GSDMC: variants seen among roughly 807,000 people sequenced by gnomAD.
The protein encoded by GSDMC is gasdermin-C.
A neutral mutation model predicts 58.0 loss-of-function variants in GSDMC; 59 were observed. That is an observed-to-expected ratio of 1.02 (90% confidence interval 0.82 to 1.26). GSDMC has a LOEUF of 1.26. GSDMC is among the 50% of genes most tolerant of loss of function. The probability of loss-of-function intolerance (pLI) is 0.00; values close to 1 mark genes in which losing one functional copy is unlikely to be tolerated. For synonymous variants in GSDMC, 241 were observed against 220.2 expected, an observed-to-expected ratio of 1.09 and a Z score of -0.83; for missense variants, 659 against 598.5, an observed-to-expected ratio of 1.10 and a Z score of -1.06.
At chr8:129,705,814 C>T in the GSDMC span, among the ~76,000 whole-genome samples, 1 of 152,236 alleles carries the variant, frequency 6.6e-6, no homozygotes, top group Middle Eastern at 3.4e-3. Context: ...AGAGAGGGGG[C>T]ATAGAATTTG....
the GSDMC span, among the ~76,000 whole-genome samples, chr8:129,712,701 G>A: frequency 6.6e-6 from 1 of 152,146 alleles, no homozygotes; most frequent in Non-Finnish European, 1.5e-5. Flanking sequence ...TAGGTGGCTG[G>A]GATCAAGATA....
Position 129,765,994 on chromosome 8 carries a change from G to C in GSDMC, c.405-201C>G, listed in dbSNP as rs141385709. Among the ~76,000 whole-genome samples the C allele has an allele frequency of 1.8e-3, 267 of 152,182 alleles. 1 individual carries two copies. The highest frequency in any genetic ancestry group is 6.0e-3 in the African/African-American group (250 of 41,508). ...AGGAGATCCCAATGATGGTGGTTCG[G>C]GTGTGAGAGTATATGTACCATATTG... On this transcript the variant is annotated intron_variant, in intron 3 of 13. Transcript: ENST00000276708.
chr8:129,777,932 C>T (rs1277670670), intron 1 of GSDMC, among the ~76,000 whole-genome samples: 1 of 152,076 alleles, frequency 6.6e-6, no homozygotes, highest in African/African-American at 2.4e-5. Context: ...ACAGGCACTG[C>T]TGTAAAATTC....
chr8:129,754,563 T>C (rs1314207375), intron 6 of GSDMC, among the ~76,000 whole-genome samples: 1 of 152,006 alleles, frequency 6.6e-6, no homozygotes, highest in South Asian at 2.1e-4. Context: ...AAAAAACATC[T>C]ACAAGAATCA....
chr8:129,729,234 C>T, the GSDMC span: 2 of 639,828 alleles, frequency 3.1e-6, no homozygotes, highest in Non-Finnish European at 6.0e-6. Context: ...GAATATTTTC[C>T]AAGTGAAATA....
chr8:129,737,319 G>C, the GSDMC span, among the ~76,000 whole-genome samples: 1 of 152,134 alleles, frequency 6.6e-6, no homozygotes, highest in Non-Finnish European at 1.5e-5. Context: ...CCAAAAAAGA[G>C]CCTGCATTGC....
intron 7 of GSDMC, 132 bp downstream of exon 7, chr8:129,752,566 G>A (rs753710124): frequency 1.1e-5 from 15 of 1,349,144 alleles, no homozygotes; most frequent in Non-Finnish European, 1.5e-5. Context: ...ACTGCCAGAG[G>A]AGGATGAGCA....
At chr8:129,713,174 A>G in the GSDMC span, among the ~76,000 whole-genome samples, 1 of 152,222 alleles carries the variant, frequency 6.6e-6, no homozygotes. Context: ...TTTTGTTCCA[A>G]ATGTGGAGAC....
chr8:129,745,688 AAAT>A (rs1239397205), downstream of GSDMC, among the ~76,000 whole-genome samples: 4 of 143,444 alleles, frequency 2.8e-5, no homozygotes, highest in Non-Finnish European at 6.0e-5. Context: ...GGCCTTCAGT[AAAT>A]AATGTTTAGT....
At chr8:129,716,041 T>C in the GSDMC span, among the ~76,000 whole-genome samples, 1 of 152,102 alleles carries the variant, frequency 6.6e-6, no homozygotes, top group African/African-American at 2.4e-5. Flanking sequence ...ACAAAGAAGA[T>C]AAAAAGGAAT....
the GSDMC span, chr8:129,728,930 GC>G: frequency 3.0e-6 from 2 of 665,782 alleles, no homozygotes; most frequent in South Asian, 3.0e-5. Context: ...AGGTCAGGAG[GC>G]CCGAGGTGGT....
At chr8:129,745,694 T>A (rs1586566360), downstream of GSDMC, among the ~76,000 whole-genome samples, 1 of 132,928 alleles carries the variant, frequency 7.5e-6, no homozygotes, top group South Asian at 2.3e-4. Context: ...CAGTAAATAA[T>A]GTTTAGTGAA....
chr8:129,752,749 T>C lies in GSDMC; in HGVS notation c.793A>G (p.Ile265Val). The C allele has an allele frequency of 3.1e-6, 5 of 1,614,146 alleles. No homozygotes were observed. Among genetic ancestry groups the C allele is most frequent in the East Asian group, 2.2e-5 (1 of 44,886 alleles). Residue 265 changes from isoleucine to valine, a missense_variant, in exon 7 of 14, where the codon ATC becomes GTC. Coordinates refer to ENST00000276708, the MANE Select transcript of GSDMC (RefSeq NM_031415.3). Reference sequence around the variant, plus strand: ...GAGGCATTGAAGAGGGTTGGAGAGATGGTATGAAATGATGGTAGCAACCCC... The same window carrying C: ...GAGGCATTGAAGAGGGTTGGAGAGACGGTATGAAATGATGGTAGCAACCCC... ...SEGLLPSFHT[I>V]SPTLFNASSN...
At chr8:129,773,305 C>T (rs774093628) in intron 3 of GSDMC, among the ~76,000 whole-genome samples, 5 of 151,972 alleles carry the variant, frequency 3.3e-5, no homozygotes, top group Admixed American at 3.3e-4. Context: ...ATAAAAGGAG[C>T]CTAATAGGAA....
At chr8:129,722,233 A>C in the GSDMC span, among the ~76,000 whole-genome samples, 2 of 152,164 alleles carry the variant, frequency 1.3e-5, no homozygotes, top group Non-Finnish European at 2.9e-5. Flanking sequence ...GGGAATAGCA[A>C]TTTGCAAGCA....
At chr8:129,740,303 G>A in the GSDMC span, among the ~76,000 whole-genome samples, 1 of 152,284 alleles carries the variant, frequency 6.6e-6, no homozygotes, top group African/African-American at 2.4e-5. Flanking sequence ...AAAGTCTACT[G>A]TAGTGTATAG....
intron 3 of GSDMC, among the ~76,000 whole-genome samples, chr8:129,770,230 C>T (rs1448304805): frequency 6.6e-6 from 1 of 152,202 alleles, no homozygotes; most frequent in Non-Finnish European, 1.5e-5. Context: ...ATTATAGACT[C>T]ATGCCTATAA....
rs1443709295 is a variant in GSDMC, at chr8:129,777,549, G to A, written c.39C>T (p.Val13=). Residue 13 remains valine (V), a synonymous_variant, in exon 2 of 14, where the codon GTC becomes GTT. Coordinates refer to ENST00000276708, the MANE Select transcript of GSDMC (RefSeq NM_031415.3). ...SMLERISKNL[V]KEIGSKDLTP... is the part of the protein sequence containing the mutation. ...TCAGGTCTTTGCTTCCAATCTCTTT[G>A]ACCAAATTTTTGCTAATGCGTTCCA... 2 of 1,612,506 alleles carry A rather than the reference G, an allele frequency of 1.2e-6. No individual in the cohort carries two copies. The highest frequency in any genetic ancestry group is 2.7e-5 in the African/African-American group (2 of 74,856).
At position 129,777,403 on chromosome 8, in the gene GSDMC, A is replaced by T; in HGVS notation, c.185T>A (p.Leu62His). The T allele has an allele frequency of 6.2e-7, 1 of 1,613,352 alleles. No homozygotes were observed. The highest frequency in any genetic ancestry group is 8.5e-7 in the Non-Finnish European group (1 of 1,179,280). The change falls in exon 2 of 14, where the codon CTC becomes CAC. Residue 62 changes from leucine (L) to histidine (H), a missense_variant. Transcript: ENST00000276708. ...AGAACTTGGCTCCAGGATGTCATTG[A>T]GGGAGAATTCAACTGGAACATAGTC... ...QSDYVPVEFSLNDILEPSSSV... is the reference protein window; with the variant it reads ...QSDYVPVEFSHNDILEPSSSV...
Sources: allele counts gnomAD v4.1 joint callset (sites outside exome capture counted in the v4.1 genomes callset), GRCh38; gene constraint gnomAD v4.1.1; transcripts MANE v1.5; gene names NCBI Gene and HGNC (gene_info 2026-07-23, HGNC 2026-07-21).